Variants in FAM20C observed in about 807,000 individuals in gnomAD.
FAM20C encodes extracellular serine/threonine protein kinase FAM20C.
In FAM20C, 40 loss-of-function variants were observed where a neutral mutation model predicts 51.5. That is an observed-to-expected ratio of 0.78 (90% CI 0.60 to 1.01). The LOEUF (loss-of-function observed/expected upper bound fraction) is 1.01, where lower values mean the gene tolerates loss of function less well. Among genes scored for constraint, FAM20C ranks in the 50% least tolerant of loss-of-function variants. The pLI is 0.00. For missense variants in FAM20C, 861 were observed against 844.7 expected (o/e 1.02, Z -0.24); for synonymous variants, 406 against 380.6 (o/e 1.07, Z -0.78).
At chr7:236,087 C>G (rs1030711311) in intron 3 of FAM20C, among the ~76,000 whole-genome samples, 1 of 152,214 alleles carries the variant, frequency 6.6e-6, no homozygotes, top group African/African-American at 2.4e-5. Context: ...GTGACCGCTT[C>G]GGCCGAGTTC....
Position 258,298 on chromosome 7 carries a change from AGATGGGTGGGATGGACCCACTGCCCGG to A in FAM20C, c.1446-346_1446-320del, listed in dbSNP as rs1562401811. 1.1e-3 allele frequency among the ~76,000 whole-genome samples: 118 copies of A among 103,864 alleles called. 9 individuals are homozygous for A. The highest frequency in any genetic ancestry group is 7.7e-3 in the Middle Eastern group (1 of 130). 68.1% of individuals were successfully genotyped at this position (103,864 alleles called of 152,430 possible). ...GTGGACCCACTGCCTGGGGTGCTGG[AGATGGGTGGGATGGACCCACTGCCCGG>A]GGTGCTGGAGATGGGCAGGGTGGAC... is the stretch of plus-strand genomic sequence containing the variant. On this transcript the variant is annotated intron_variant, in intron 8 of 9. Coordinates refer to ENST00000313766, the MANE Select transcript of FAM20C (RefSeq NM_020223.4).
At position 246,029 on chromosome 7, in the gene FAM20C, G is replaced by A. The variant is rs951471452; in HGVS notation, c.864-386G>A. ...ACACCGAGCCCAGCCTCTCCCCTGC[G>A]GTGTGACTGTGGGTCCCAGGGTGGA... is the stretch of plus-strand genomic sequence containing the variant. On this transcript the variant is annotated intron_variant, in intron 3 of 9. Transcript: ENST00000313766. 11 of 169,196 alleles carry A rather than the reference G, an allele frequency of 6.5e-5. No homozygotes were observed. In the East Asian group the frequency reaches 1.3e-3, roughly 20 times the overall value. 10.5% of individuals were successfully genotyped at this position (169,196 alleles called of 1,614,324 possible).
At chr7:195,024 G>T (rs1348620300) in intron 1 of FAM20C, among the ~76,000 whole-genome samples, 2 of 152,238 alleles carry the variant, frequency 1.3e-5, no homozygotes, top group Non-Finnish European at 2.9e-5. Flanking sequence ...ACCCAAGGCT[G>T]CTCTCATTAA....
Position 260,236 on chromosome 7 carries a change from T to C in FAM20C, c.*256T>C. ...GGCCGGCGCCGGAGGCATTCCATCCTTTCTGTAGGGAAAGGAGCCTTTATT... is the reference window on the plus strand; with the variant it reads ...GGCCGGCGCCGGAGGCATTCCATCCCTTCTGTAGGGAAAGGAGCCTTTATT... On this transcript the variant is annotated 3_prime_UTR_variant, in exon 10 of 10. Coordinates refer to ENST00000313766, the MANE Select transcript of FAM20C (RefSeq NM_020223.4). 1 of 443,186 alleles carries C rather than the reference T, an allele frequency of 2.3e-6. No homozygotes were observed. Among genetic ancestry groups the C allele is most frequent in the South Asian group, 5.8e-5 (1 of 17,108 alleles). 27.5% of individuals were successfully genotyped at this position (443,186 alleles called of 1,614,324 possible). A position where few individuals can be genotyped will look rare whatever the true frequency, so the allele number is the denominator to read the frequency against.
intron 3 of FAM20C, chr7:228,657 A>G (rs765103824): frequency 6.6e-6 from 3 of 456,230 alleles, no homozygotes; most frequent in South Asian, 4.6e-5. Context: ...TCAGGTTTGG[A>G]CAACTGGTGC....
At chr7:246,172 C>G (rs1016939009) in intron 3 of FAM20C, 2 of 475,648 alleles carry the variant, frequency 4.2e-6, no homozygotes, top group Admixed American at 3.4e-5. Context: ...TCTGAGGGCC[C>G]GTCGGCAGCT....
chr7:219,155 G>C (rs1045266455), intron 3 of FAM20C, among the ~76,000 whole-genome samples: 9 of 152,178 alleles, frequency 5.9e-5, no homozygotes, highest in African/African-American at 1.9e-4. Context: ...CCTTCTCCGT[G>C]ATGCAGGAAG....
intron 2 of FAM20C, among the ~76,000 whole-genome samples, chr7:198,541 C>T (rs1243883211): frequency 6.6e-6 from 1 of 152,210 alleles, no homozygotes; most frequent in Non-Finnish European, 1.5e-5. Flanking sequence ...GTCACATGTT[C>T]CTCTGAGGAA....
At chr7:233,075 G>C (rs1340952714) in intron 3 of FAM20C, among the ~76,000 whole-genome samples, 3 of 152,238 alleles carry the variant, frequency 2.0e-5, no homozygotes, top group Admixed American at 6.5e-5. Context: ...TCCAAGCTGT[G>C]CCATGTTCTG....
intron 1 of FAM20C, chr7:194,124 G>T: frequency 3.1e-6 from 1 of 323,298 alleles, no homozygotes; most frequent in Non-Finnish European, 5.7e-6. Context: ...ATGAATGAAT[G>T]AGTTGGTGAG....
intron 5 of FAM20C, among the ~76,000 whole-genome samples, chr7:249,521 A>G (rs1425213360): frequency 1.3e-5 from 2 of 152,222 alleles, no homozygotes; most frequent in Non-Finnish European, 2.9e-5. Context: ...TGGGAGGATC[A>G]CTTGATTTCA....
At chr7:256,474 C>G in intron 6 of FAM20C, 180 bp from the exon 7 acceptor site, 2 of 615,242 alleles carry the variant, frequency 3.3e-6, no homozygotes, top group Non-Finnish European at 5.8e-6. Flanking sequence ...CAGGGCAGAG[C>G]GGCTCCGTCC....
intron 3 of FAM20C, among the ~76,000 whole-genome samples, chr7:222,267 G>A (rs953553066): frequency 1.3e-5 from 2 of 152,144 alleles, no homozygotes; most frequent in Non-Finnish European, 2.9e-5. Flanking sequence ...GAGAGTGAGC[G>A]CCCTGTGAGA....
At chr7:220,001 G>A (rs1002889267) in intron 3 of FAM20C, among the ~76,000 whole-genome samples, 1 of 152,108 alleles carries the variant, frequency 6.6e-6, no homozygotes. Context: ...CACACTGGGT[G>A]TGGGCCGGCC....
chr7:246,817 T>A (rs1166030414), intron 4 of FAM20C, among the ~76,000 whole-genome samples: 1 of 151,932 alleles, frequency 6.6e-6, no homozygotes, highest in East Asian at 1.9e-4. Context: ...CATATCCCCC[T>A]TTACAGATGA....
Position 255,932 on chromosome 7 carries a change from G to A in FAM20C, c.1156G>A (p.Gly386Ser). ...ALCGKPDQIE[G>S]SLAAFLPDLS... ...GTGCGGGAAGCCAGACCAGATCGAG[G>A]GCTCGCTGGCGGCCTTCCTGCCCGA... Residue 386 changes from glycine to serine, a missense_variant, in exon 6 of 10, where the codon GGC becomes AGC. This residue lies in a region of FAM20C where 269 missense variants were observed against 283.8 expected (regional missense o/e 0.95). Transcript: ENST00000313766. 6.5e-7 allele frequency: 1 copy of A among 1,536,352 alleles called. No individual in the cohort carries two copies. Among genetic ancestry groups the A allele is most frequent in the African/African-American group, 1.4e-5 (1 of 73,166 alleles).
At chr7:199,060 C>A (rs936457256) in intron 2 of FAM20C, among the ~76,000 whole-genome samples, 1 of 152,236 alleles carries the variant, frequency 6.6e-6, no homozygotes, top group Non-Finnish European at 1.5e-5. Context: ...GTCTCCTGGT[C>A]TGCAGGGAAC....
At chr7:259,605 T>C in intron 9 of FAM20C, 126 bp from the exon 10 acceptor site, 1 of 972,716 alleles carries the variant, frequency 1.0e-6, no homozygotes, top group Non-Finnish European at 1.3e-6. Flanking sequence ...TCTCTGTCTC[T>C]GTCCCCCTCT....
intron 2 of FAM20C, among the ~76,000 whole-genome samples, chr7:205,861 C>T (rs913122838): frequency 1.3e-5 from 2 of 152,146 alleles, no homozygotes; most frequent in Non-Finnish European, 2.9e-5. Flanking sequence ...GCTGTCCTCA[C>T]GCTGACCCTC....
Sources: allele counts gnomAD v4.1 joint callset (sites outside exome capture counted in the v4.1 genomes callset), GRCh38; gene constraint gnomAD v4.1.1; regional missense constraint gnomAD v4.1.1; transcripts MANE v1.5; gene names NCBI Gene and HGNC (gene_info 2026-07-23, HGNC 2026-07-21).